ACACA: variants seen among roughly 807,000 people sequenced by gnomAD.
The protein encoded by ACACA is acetyl-CoA carboxylase alpha, also known as acetyl-CoA carboxylase 1.
Under a neutral mutation model 296.1 loss-of-function variants are expected in ACACA, and 103 were observed. The observed-to-expected ratio is 0.35, with a 90% CI of 0.30 to 0.41. The LOEUF (loss-of-function observed/expected upper bound fraction) is 0.41. ACACA is among the 10% of genes least tolerant of loss of function. The pLI is 1.00. For synonymous variants in ACACA, 953 were observed against 1,038.6 expected, an observed-to-expected ratio of 0.92 and a Z score of 1.58; for missense variants, 1,554 against 2,989.7, an observed-to-expected ratio of 0.52 and a Z score of 11.20.
At chr17:37,148,808 TCCTCCTGTTTCGG>T (rs1048745426) in intron 45 of ACACA, among the ~76,000 whole-genome samples, 2 of 152,076 alleles carry the variant, frequency 1.3e-5, no homozygotes, top group African/African-American at 4.8e-5. Flanking sequence ...GTTCAAGCTA[TCCTCCTGTTTCGG>T]CCTCCTGAGT....
chr17:37,180,703 T>TATA (rs2077286503), intron 40 of ACACA, among the ~76,000 whole-genome samples: 3 of 152,128 alleles, frequency 2.0e-5, no homozygotes, highest in Admixed American at 2.0e-4. Context: ...CTATAACAAA[T>TATA]CTCCCACAAA....
chr17:37,308,639 A>G (rs2083990763), intron 3 of ACACA, among the ~76,000 whole-genome samples: 1 of 152,204 alleles, frequency 6.6e-6, no homozygotes, highest in South Asian at 2.1e-4. Context: ...CATAATATGT[A>G]TAATTTAAAA....
At chr17:37,183,566 C>T (rs546126675) in intron 39 of ACACA, among the ~76,000 whole-genome samples, 2 of 152,198 alleles carry the variant, frequency 1.3e-5, no homozygotes, top group East Asian at 1.9e-4. Flanking sequence ...CAGTGGCTCA[C>T]GCCTGCAATC....
rs2075232759 is a variant in ACACA at position 37,134,167 on chromosome 17, G to A, written c.5680-3949C>T. ...CAAATGAATGCAGTCATACGTCCAT[G>A]CTCAGGCCTCTGCTGCTGCTGCTGC... On this transcript the variant is annotated intron_variant, in intron 45 of 55. Coordinates refer to ENST00000616317, the MANE Select transcript of ACACA (RefSeq NM_198834.3). Among the ~76,000 whole-genome samples the A allele has an allele frequency of 2.0e-5, 3 of 152,216 alleles. No individual in the cohort carries two copies. The South Asian group carries it at 6.2e-4, about 32-fold the overall frequency.
chr17:37,166,933 T>C (rs562694212), intron 41 of ACACA, among the ~76,000 whole-genome samples: 1 of 152,192 alleles, frequency 6.6e-6, no homozygotes, highest in South Asian at 2.1e-4. Flanking sequence ...TCCTTATAGC[T>C]AATGTGAATT....
At chr17:37,325,587 T>C (rs1042264507) in intron 3 of ACACA, among the ~76,000 whole-genome samples, 1 of 128,586 alleles carries the variant, frequency 7.8e-6, no homozygotes, top group South Asian at 2.7e-4. Flanking sequence ...TTCTTTTTTT[T>C]TTTTTTTTTT....
chr17:37,135,325 C>T (rs2075286574), intron 45 of ACACA, among the ~76,000 whole-genome samples: 1 of 152,150 alleles, frequency 6.6e-6, no homozygotes, highest in Admixed American at 6.5e-5. Context: ...AATTTTTTCC[C>T]CACTTTATTG....
intron 3 of ACACA, among the ~76,000 whole-genome samples, chr17:37,318,073 T>G (rs556001143): frequency 5.0e-4 from 76 of 152,202 alleles, no homozygotes; most frequent in African/African-American, 1.5e-3. Flanking sequence ...GAAAGCTAAA[T>G]GAGAAATGCT....
chr17:37,252,388 A>C (rs2081035662), intron 15 of ACACA, among the ~76,000 whole-genome samples: 1 of 152,226 alleles, frequency 6.6e-6, no homozygotes, highest in Admixed American at 6.5e-5. Context: ...TTCTGACAGA[A>C]ATAAATTTAA....
At chr17:37,329,802 A>C (rs1011352381) in intron 3 of ACACA, among the ~76,000 whole-genome samples, 12 of 151,668 alleles carry the variant, frequency 7.9e-5, no homozygotes, top group African/African-American at 2.7e-4. Context: ...TTAGCTGGGC[A>C]TGGTGGCAGG....
chr17:37,206,040 C>T (rs1358542011), intron 32 of ACACA, among the ~76,000 whole-genome samples, 168 bp from the exon 33 acceptor site: 1 of 152,164 alleles, frequency 6.6e-6, no homozygotes, highest in Admixed American at 6.5e-5. Context: ...CCAATAGCCA[C>T]AGAGAGATTA....
intron 14 of ACACA, among the ~76,000 whole-genome samples, chr17:37,255,209 G>T (rs1640969089): frequency 6.6e-6 from 1 of 152,112 alleles, no homozygotes; most frequent in Admixed American, 6.5e-5. Flanking sequence ...TTTACTGAAT[G>T]CTTACTATGT....
chr17:37,205,325 T>C (rs537066742), intron 33 of ACACA, among the ~76,000 whole-genome samples: 19 of 152,208 alleles, frequency 1.2e-4, no homozygotes, highest in Non-Finnish European at 2.6e-4. Flanking sequence ...ACGATGGCGT[T>C]TGATGTCAAC....
chr17:37,324,249 C>T (rs1413794355), intron 3 of ACACA, among the ~76,000 whole-genome samples: 4 of 151,842 alleles, frequency 2.6e-5, no homozygotes, highest in Non-Finnish European at 4.4e-5. Flanking sequence ...GCCTGTAGTC[C>T]CAGCTACTGG....
At chr17:37,247,020 G>T in intron 18 of ACACA, 44 bp from the exon 19 acceptor site, 1 of 1,607,056 alleles carries the variant, frequency 6.2e-7, no homozygotes, top group Non-Finnish European at 8.5e-7. Context: ...AGCACCTCAG[G>T]ATGTAAAGGA....
chr17:37,172,229 C>T (rs2076909768), intron 41 of ACACA, among the ~76,000 whole-genome samples: 1 of 152,120 alleles, frequency 6.6e-6, no homozygotes. Flanking sequence ...AGGAGCCCTC[C>T]ACAAGTACTA....
chr17:37,342,244 C>T (rs1373358273), intron 1 of ACACA, among the ~76,000 whole-genome samples: 1 of 150,740 alleles, frequency 6.6e-6, no homozygotes, highest in Admixed American at 6.6e-5. Context: ...CCCGCCTCTA[C>T]TAAAACTACA....
At chr17:37,180,310 G>C (rs1004266803) in intron 40 of ACACA, among the ~76,000 whole-genome samples, 2 of 152,164 alleles carry the variant, frequency 1.3e-5, no homozygotes, top group Non-Finnish European at 2.9e-5. Flanking sequence ...TCTTTCAGGA[G>C]ACAGAACTTG....
At chr17:37,118,427 TACC>T (rs2074362362) in intron 50 of ACACA, among the ~76,000 whole-genome samples, 1 of 152,254 alleles carries the variant, frequency 6.6e-6, no homozygotes, top group South Asian at 2.1e-4. Flanking sequence ...ATGTATATTT[TACC>T]ACAATAAAAA....
Sources: gnomAD v4.1 joint callset for allele counts (sites outside exome capture counted in the v4.1 genomes callset) on GRCh38, gnomAD v4.1.1 for gene constraint, MANE v1.5 for transcripts, NCBI Gene and HGNC (gene_info 2026-07-23, HGNC 2026-07-21) for gene names.